The following CADPS2 variants were observed in gnomAD, a reference collection of about 807,000 sequenced individuals.
The protein encoded by CADPS2 is calcium-dependent secretion activator 2.
A neutral mutation model predicts 172.5 loss-of-function variants in CADPS2; 93 were observed. The observed-to-expected ratio is 0.54, with a 90% CI of 0.46 to 0.64. The LOEUF (loss-of-function observed/expected upper bound fraction) is 0.64, where lower values mean the gene tolerates loss of function less well. CADPS2 is among the 30% of genes least tolerant of loss of function. The probability of loss-of-function intolerance (pLI) is 0.00; values close to 1 mark genes in which losing one functional copy is unlikely to be tolerated. For synonymous variants in CADPS2, 546 were observed against 555.2 expected (o/e 0.98, Z 0.23); for missense variants, 1,420 against 1,565.9 (o/e 0.91, Z 1.57).
chr7:122,480,530 T>C (rs1378498809), intron 12 of CADPS2, among the ~76,000 whole-genome samples: 1 of 152,242 alleles, frequency 6.6e-6, no homozygotes, highest in Non-Finnish European at 1.5e-5. Context: ...GGTGTTTTTT[T>C]ATGTAGTGAA....
At chr7:122,781,997 AC>A in intron 1 of CADPS2, among the ~76,000 whole-genome samples, 1 of 152,326 alleles carries the variant, frequency 6.6e-6, no homozygotes, top group Non-Finnish European at 1.5e-5. Context: ...AGATTTTATG[AC>A]AGAAAAATTT....
At chr7:122,564,591 G>A (rs962138976) in intron 7 of CADPS2, among the ~76,000 whole-genome samples, 2 of 151,994 alleles carry the variant, frequency 1.3e-5, no homozygotes, top group Admixed American at 6.6e-5. Flanking sequence ...ACAGGTGTGA[G>A]CCACCATACC....
chr7:122,745,023 T>C (rs753160638), intron 1 of CADPS2, among the ~76,000 whole-genome samples: 6 of 152,018 alleles, frequency 3.9e-5, no homozygotes, highest in Non-Finnish European at 8.8e-5. Flanking sequence ...CGTAAACATT[T>C]AAGGTATACA....
intron 8 of CADPS2, among the ~76,000 whole-genome samples, chr7:122,533,643 T>G (rs2061973672): frequency 6.6e-6 from 1 of 152,192 alleles, no homozygotes; most frequent in South Asian, 2.1e-4. Context: ...AAGTCTCATG[T>G]TATTTTATGC....
chr7:122,819,848 T>C (rs1422121291), intron 1 of CADPS2, among the ~76,000 whole-genome samples: 13 of 152,044 alleles, frequency 8.6e-5, no homozygotes, highest in African/African-American at 3.1e-4. Context: ...CTCCTTGGCA[T>C]GATCATGCAC....
chr7:122,652,347 T>A (rs189808006), intron 3 of CADPS2, among the ~76,000 whole-genome samples: 1 of 152,330 alleles, frequency 6.6e-6, no homozygotes, highest in African/African-American at 2.4e-5. Context: ...AAATAACTTT[T>A]CATAAACACA....
intron 2 of CADPS2, among the ~76,000 whole-genome samples, chr7:122,705,924 T>A (rs1298534652): frequency 2.3e-4 from 2 of 8,536 alleles, no homozygotes; most frequent in Admixed American, 3.0e-3. Context: ...TATAATATAA[T>A]ATATAATATA....
At chr7:122,767,526 A>G (rs540761955) in intron 1 of CADPS2, among the ~76,000 whole-genome samples, 2 of 152,188 alleles carry the variant, frequency 1.3e-5, no homozygotes, top group East Asian at 1.9e-4. Context: ...CTGTGTGACT[A>G]TTTCTAAAAT....
chr7:122,838,232 C>T (rs1477055524), intron 1 of CADPS2, among the ~76,000 whole-genome samples: 3 of 152,190 alleles, frequency 2.0e-5, no homozygotes, highest in African/African-American at 7.2e-5. Flanking sequence ...TTCAACAGCC[C>T]TTCATGCTAA....
At chr7:122,629,145 T>G in intron 4 of CADPS2, 103 bp downstream of exon 4, 1 of 800,534 alleles carries the variant, frequency 1.2e-6, no homozygotes, top group Non-Finnish European at 1.9e-6. Flanking sequence ...GTTAAAATTA[T>G]GCTGGCTCTT....
chr7:122,417,674 G>A (rs890448328), intron 17 of CADPS2, among the ~76,000 whole-genome samples: 2 of 152,130 alleles, frequency 1.3e-5, no homozygotes, highest in Non-Finnish European at 2.9e-5. Context: ...TTCTAATTTT[G>A]TCAGGAAGAG....
At chr7:122,636,417 A>G (rs1337449134) in intron 3 of CADPS2, among the ~76,000 whole-genome samples, 1 of 150,716 alleles carries the variant, frequency 6.6e-6, no homozygotes, top group East Asian at 2.0e-4. Context: ...AAAGCTGAAA[A>G]CAGGCCCCCA....
intron 1 of CADPS2, among the ~76,000 whole-genome samples, chr7:122,795,303 A>C (rs1472640183): frequency 3.3e-5 from 5 of 152,158 alleles, no homozygotes; most frequent in Non-Finnish European, 5.9e-5. Context: ...AGAAATACAA[A>C]CAACCATCAG....
chr7:122,867,851 C>T (rs1818712791), intron 1 of CADPS2, among the ~76,000 whole-genome samples: 1 of 152,176 alleles, frequency 6.6e-6, no homozygotes, highest in Non-Finnish European at 1.5e-5. Flanking sequence ...CCTAAGCCTT[C>T]TTTCCTGGCT....
intron 20 of CADPS2, among the ~76,000 whole-genome samples, chr7:122,406,653 G>A (rs1183784830): frequency 6.6e-6 from 1 of 152,160 alleles, no homozygotes; most frequent in African/African-American, 2.4e-5. Context: ...AGACAGAGTT[G>A]TTTTATATAG....
intron 19 of CADPS2, among the ~76,000 whole-genome samples, chr7:122,410,447 T>TG (rs2047168257): frequency 6.6e-6 from 1 of 151,406 alleles, no homozygotes; most frequent in Non-Finnish European, 1.5e-5. Context: ...GAAAGCCTTT[T>TG]TTTTTTTTTT....
intron 17 of CADPS2, among the ~76,000 whole-genome samples, chr7:122,435,982 C>T (rs181389967): frequency 3.4e-4 from 51 of 151,998 alleles, no homozygotes; most frequent in African/African-American, 1.1e-3. Flanking sequence ...GAACATGAAG[C>T]GGTATTATTC....
chr7:122,705,898 AAT>A (rs1491211556), intron 2 of CADPS2, among the ~76,000 whole-genome samples: 381 of 4,434 alleles, frequency 0.086, 152 homozygotes, highest in African/African-American at 0.18. Flanking sequence ...AATATAATAT[AAT>A]ATATAATATA....
At chr7:122,699,311 T>C (rs1423105527) in intron 2 of CADPS2, among the ~76,000 whole-genome samples, 2 of 152,152 alleles carry the variant, frequency 1.3e-5, no homozygotes, top group Non-Finnish European at 2.9e-5. Flanking sequence ...ATAATGGTAG[T>C]AGATAGCACA....
Sources: allele counts gnomAD v4.1 joint callset (sites outside exome capture counted in the v4.1 genomes callset), GRCh38; gene constraint gnomAD v4.1.1; transcripts MANE v1.5; gene names NCBI Gene and HGNC (gene_info 2026-07-23, HGNC 2026-07-21).